The following TNFAIP6 variants were observed in gnomAD, a reference collection of about 807,000 sequenced individuals.
TNFAIP6 encodes the protein TNF alpha induced protein 6.
TNFAIP6 carries 36 observed loss-of-function variants against 33.7 expected under a neutral mutation model. That is an observed-to-expected ratio of 1.07 (90% CI 0.82 to 1.41). TNFAIP6 has a LOEUF of 1.41. TNFAIP6 is among the 40% of genes most tolerant of loss of function. The probability of loss-of-function intolerance (pLI) is 0.00; values close to 1 mark genes in which losing one functional copy is unlikely to be tolerated. For missense variants in TNFAIP6, 273 were observed against 331.9 expected, an observed-to-expected ratio of 0.82 and a Z score of 1.38; for synonymous variants, 113 against 112.8, an observed-to-expected ratio of 1.00 and a Z score of -0.01.
At chr2:151,361,857 C>T (rs1684629354) in intron 1 of TNFAIP6, among the ~76,000 whole-genome samples, 1 of 152,190 alleles carries the variant, frequency 6.6e-6, no homozygotes, top group Non-Finnish European at 1.5e-5. Flanking sequence ...TGACCTCGAG[C>T]ATCAGATTGA....
At position 151,357,610 on chromosome 2, in the gene TNFAIP6, G is replaced by A. The variant is rs1380704137; in HGVS notation, c.-57G>A. On this transcript the variant is annotated 5_prime_UTR_variant, in exon 1 of 6. Coordinates refer to ENST00000243347, the MANE Select transcript of TNFAIP6 (RefSeq NM_007115.4). ...ATGTTTCAGTCACATTTCAGCCACT[G>A]CTCTGAGAATTTGTGAGCAGCCCCT... 1 of 1,105,196 alleles carries A rather than the reference G, an allele frequency of 9.0e-7. No individual in the cohort carries two copies. Among genetic ancestry groups the A allele is most frequent in the African/African-American group, 1.5e-5 (1 of 65,028 alleles). The allele number at this position is 1,105,196 out of a possible 1,614,324, so 68.5% of individuals were successfully genotyped here. A position where few individuals can be genotyped will look rare whatever the true frequency, so the allele number is the denominator to read the frequency against.
In TNFAIP6 at chr2:151,373,593, A is replaced by C; in HGVS notation, c.664+4A>C. 1.3e-6 allele frequency: 2 copies of C among 1,530,140 alleles called. No individual in the cohort carries two copies. The highest frequency in any genetic ancestry group is 1.8e-6 in the Non-Finnish European group (2 of 1,131,272). 94.8% of individuals were successfully genotyped at this position (1,530,140 alleles called of 1,614,324 possible). A position where few individuals can be genotyped will look rare whatever the true frequency, so the allele number is the denominator to read the frequency against. ...CCAGATGACATCATCAGTACAGGTAAGGTTTTAAATTGAGGACCAAAACTA... is the reference window on the plus strand; with the variant it reads ...CCAGATGACATCATCAGTACAGGTACGGTTTTAAATTGAGGACCAAAACTA... On this transcript the variant is annotated splice_donor_region_variant and intron_variant, in intron 5 of 5. Transcript: ENST00000243347.
chr2:151,359,752 T>C (rs1476385945), intron 1 of TNFAIP6, among the ~76,000 whole-genome samples: 1 of 152,222 alleles, frequency 6.6e-6, no homozygotes, highest in Non-Finnish European at 1.5e-5. Flanking sequence ...AAAGCCGTCC[T>C]GGCAGGCCGC....
chr2:151,364,225 C>T (rs1252928350), intron 2 of TNFAIP6, 145 bp downstream of exon 2: 7 of 1,050,364 alleles, frequency 6.7e-6, no homozygotes, highest in Non-Finnish European at 9.5e-6. Context: ...TCTGACTTCT[C>T]CTATCCATCT....
chr2:151,357,900 G>T, intron 1 of TNFAIP6, 140 bp downstream of exon 1: 3 of 495,356 alleles, frequency 6.1e-6, no homozygotes, highest in South Asian at 7.5e-5. Flanking sequence ...GATAGCCTTT[G>T]GAATACATAC....
intron 1 of TNFAIP6, 30 bp downstream of exon 1, chr2:151,357,790 T>C (rs558471950): frequency 7.4e-7 from 1 of 1,348,842 alleles, no homozygotes; most frequent in South Asian, 1.2e-5. Context: ...AGCCTCTTGT[T>C]GAGAATGTCA....
intron 1 of TNFAIP6, 56 bp from the exon 2 acceptor site, chr2:151,363,887 C>T: frequency 1.9e-6 from 3 of 1,593,988 alleles, no homozygotes; most frequent in South Asian, 1.1e-5. Flanking sequence ...CACAGAATTT[C>T]CCCTGTTCCG....
chr2:151,366,055 G>C lies in TNFAIP6; in HGVS notation c.233-1G>C, dbSNP rs772822746. On this transcript the variant is annotated splice_acceptor_variant, in intron 2 of 5. Transcript: ENST00000243347. LOFTEE classifies it high-confidence loss of function. ...GTCCATAACTCTTTTTCTTCTTGCAGGATTTCATGTCTGTGCTGCTGGATG... is the reference window on the plus strand; with the variant it reads ...GTCCATAACTCTTTTTCTTCTTGCACGATTTCATGTCTGTGCTGCTGGATG... 6.2e-7 allele frequency: 1 copy of C among 1,613,694 alleles called. No homozygotes were observed. The highest frequency in any genetic ancestry group is 8.5e-7 in the Non-Finnish European group (1 of 1,179,802).
rs757631554 is a variant in TNFAIP6 at position 151,379,477 on chromosome 2, A to T, written c.778A>T (p.Ser260Cys). 9 of 1,602,964 alleles carry T rather than the reference A, an allele frequency of 5.6e-6. No individual in the cohort carries two copies. Among genetic ancestry groups the T allele is most frequent in the Non-Finnish European group, 7.6e-6 (9 of 1,176,636 alleles). Reference sequence around the variant, plus strand: ...CAAATCCAGTCAAGGAAAAAATACAAGTACTACTTCTACTGGAAATAAAAA... The same window carrying T: ...CAAATCCAGTCAAGGAAAAAATACATGTACTACTTCTACTGGAAATAAAAA... ...VSKSSQGKNT[S>C]TTSTGNKNFL... Residue 260 changes from serine to cysteine, a missense_variant, in exon 6 of 6, where the codon AGT becomes TGT. Ser to Cys is a moderately radical substitution (Grantham distance 112). Coordinates refer to ENST00000243347, the MANE Select transcript of TNFAIP6 (RefSeq NM_007115.4).
At chr2:151,376,865 CTTT>C (rs71403162) in intron 5 of TNFAIP6, among the ~76,000 whole-genome samples, 2 of 114,160 alleles carry the variant, frequency 1.8e-5, no homozygotes, top group South Asian at 5.4e-4. Context: ...TTTTTCTTTT[CTTT>C]TTTTTTTTTT....
rs144488091 is a variant in TNFAIP6 at position 151,357,672 on chromosome 2, C to G, written c.6C>G (p.Ile2Met). M[I>M]ILIYLFLLLW... ...ACTTCACTACAACTGACGATATGATCATCTTAATTTACTTATTTCTCTTGC... is the reference window on the plus strand; with the variant it reads ...ACTTCACTACAACTGACGATATGATGATCTTAATTTACTTATTTCTCTTGC... Residue 2 changes from isoleucine to methionine, a missense_variant, in exon 1 of 6, where the codon ATC (isoleucine) becomes ATG (methionine). Ile to Met is a conservative substitution (Grantham distance 10). Coordinates refer to ENST00000243347, the MANE Select transcript of TNFAIP6 (RefSeq NM_007115.4). The G allele has an allele frequency of 1.0e-5, 16 of 1,606,342 alleles. No individual in the cohort carries two copies. Among genetic ancestry groups the G allele is most frequent in the Middle Eastern group, 1.6e-4 (1 of 6,066 alleles).
chr2:151,366,256 G>A (rs1684708341), intron 3 of TNFAIP6, 39 bp downstream of exon 3: 5 of 1,586,134 alleles, frequency 3.2e-6, no homozygotes, highest in Non-Finnish European at 4.3e-6. Flanking sequence ...TGCAAAAACA[G>A]TTCCATGCTG....
Position 151,366,195 on chromosome 2 carries a change from T to G in TNFAIP6, c.372T>G (p.Asp124Glu). ...GIRLNRSERW[D>E]AYCYNPHAKE... ...GTCTCAATAGGAGTGAAAGATGGGA[T>G]GCCTATTGCTACAACCCACACGGTG... is the stretch of plus-strand genomic sequence containing the variant. The change falls in exon 3 of 6, where the codon GAT becomes GAG. Residue 124 changes from aspartate to glutamate, a missense_variant. By Grantham distance (45) the Asp-to-Glu change is conservative. Transcript: ENST00000243347. 1 of 1,614,148 alleles carries G rather than the reference T, an allele frequency of 6.2e-7. No homozygotes were observed. Among genetic ancestry groups the G allele is most frequent in the Non-Finnish European group, 8.5e-7 (1 of 1,179,998 alleles).
chr2:151,363,426 G>A (rs1476355265), intron 1 of TNFAIP6, among the ~76,000 whole-genome samples: 1 of 152,010 alleles, frequency 6.6e-6, no homozygotes, highest in African/African-American at 2.4e-5. Context: ...GGGAGGCCGA[G>A]GCGGGTGGAT....
At chr2:151,362,873 A>G (rs762112954) in intron 1 of TNFAIP6, among the ~76,000 whole-genome samples, 18 of 152,290 alleles carry the variant, frequency 1.2e-4, no homozygotes, top group Middle Eastern at 3.4e-3. Flanking sequence ...AGCCTACATA[A>G]TGGATCCATC....
intron 5 of TNFAIP6, among the ~76,000 whole-genome samples, chr2:151,378,530 C>T (rs976479898): frequency 6.6e-6 from 1 of 151,572 alleles, no homozygotes; most frequent in Non-Finnish European, 1.5e-5. Flanking sequence ...CTCTTGTTGC[C>T]CAGGCTGGAG....
At chr2:151,372,676 T>C (rs1015459812) in intron 4 of TNFAIP6, among the ~76,000 whole-genome samples, 4 of 152,184 alleles carry the variant, frequency 2.6e-5, no homozygotes, top group Non-Finnish European at 5.9e-5. Context: ...TCCTAGCACT[T>C]TGGGAGGCCG....
At position 151,363,595 on chromosome 2, in the gene TNFAIP6, G is replaced by A. The variant is rs1398427417; in HGVS notation, c.95-348G>A. ...GAGAATGGTGTGAACCCGGGAGGCG[G>A]AGCTTGCAGTGAGCTGAGATCGCGC... On this transcript the variant is annotated intron_variant, in intron 1 of 5. Coordinates refer to ENST00000243347, the MANE Select transcript of TNFAIP6 (RefSeq NM_007115.4). 2.0e-5 allele frequency among the ~76,000 whole-genome samples: 3 copies of A among 152,030 alleles called. No individual in the cohort carries two copies. The East Asian group carries it at 5.8e-4, about 29-fold the overall frequency.
intron 1 of TNFAIP6, among the ~76,000 whole-genome samples, chr2:151,362,969 A>T (rs980862368): frequency 2.0e-5 from 3 of 152,152 alleles, no homozygotes; most frequent in Admixed American, 6.6e-5. Context: ...ATCCAACAGA[A>T]AGCCAAAACT....
Sources: allele counts gnomAD v4.1 joint callset (sites outside exome capture counted in the v4.1 genomes callset), GRCh38; gene constraint gnomAD v4.1.1; transcripts MANE v1.5; gene names NCBI Gene and HGNC (gene_info 2026-07-23, HGNC 2026-07-21).